STAC: variants seen among roughly 807,000 people sequenced by gnomAD.
The protein encoded by STAC is SH3 and cysteine-rich domain-containing protein.
Under a neutral mutation model 48.8 loss-of-function variants are expected in STAC, and 43 were observed. That is an observed-to-expected ratio of 0.88 (90% confidence interval 0.69 to 1.14). The LOEUF (loss-of-function observed/expected upper bound fraction) is 1.14. Among genes scored for constraint, STAC ranks in the 50% most tolerant of loss-of-function variants. The pLI is 0.00. For missense variants in STAC, 497 were observed against 504.0 expected, an observed-to-expected ratio of 0.99 and a Z score of 0.13; for synonymous variants, 193 against 179.5, an observed-to-expected ratio of 1.07 and a Z score of -0.60.
At chr3:36,410,189 G>A (rs746541268) in intron 1 of STAC, among the ~76,000 whole-genome samples, 3 of 152,074 alleles carry the variant, frequency 2.0e-5, no homozygotes, top group Admixed American at 6.6e-5. Context: ...AAAATGTAAC[G>A]CATTTTCTGT....
chr3:36,479,447 T>G (rs938363511), intron 2 of STAC, among the ~76,000 whole-genome samples: 1 of 152,224 alleles, frequency 6.6e-6, no homozygotes, highest in African/African-American at 2.4e-5. Flanking sequence ...ATAACTTTGT[T>G]CTTCAGAGTA....
intron 8 of STAC, 134 bp from the exon 9 acceptor site, chr3:36,528,562 G>A: frequency 1.4e-6 from 1 of 726,494 alleles, no homozygotes; most frequent in Non-Finnish European, 2.1e-6. Context: ...GGAAGAACTG[G>A]TAAAAGTTAT....
At chr3:36,426,968 G>A (rs1228015173) in intron 1 of STAC, among the ~76,000 whole-genome samples, 2 of 152,146 alleles carry the variant, frequency 1.3e-5, no homozygotes, top group African/African-American at 4.8e-5. Flanking sequence ...AAGTGTGACA[G>A]CTAATTCATT....
At chr3:36,541,181 G>GA (rs141454002) in intron 10 of STAC, among the ~76,000 whole-genome samples, 4,514 of 148,796 alleles carry the variant, frequency 0.03, 243 homozygotes, top group African/African-American at 0.1. Flanking sequence ...TAGGGGGGAA[G>GA]AAAAAAAAAA....
intron 1 of STAC, among the ~76,000 whole-genome samples, chr3:36,414,455 A>C (rs960361385): frequency 2.6e-5 from 4 of 152,054 alleles, no homozygotes; most frequent in Non-Finnish European, 5.9e-5. Context: ...CCTTTCTTCC[A>C]GTTGATCGAA....
chr3:36,485,966 G>A, intron 4 of STAC, 168 bp from the exon 5 acceptor site: 1 of 594,672 alleles, frequency 1.7e-6, no homozygotes, highest in South Asian at 2.1e-5. Context: ...GCTGGGTGGG[G>A]GTGCATCTGT....
chr3:36,400,717 C>CGTGCTA (rs1699983415), intron 1 of STAC, among the ~76,000 whole-genome samples: 2 of 152,098 alleles, frequency 1.3e-5, no homozygotes, highest in African/African-American at 4.8e-5. Context: ...TGCTGATGCT[C>CGTGCTA]GTGCTAGTAA....
Position 36,528,948 on chromosome 3 carries a change from G to A in STAC, c.1073G>A (p.Cys358Tyr), listed in dbSNP as rs145748087. 855 of 1,613,202 alleles carry A rather than the reference G, an allele frequency of 5.3e-4. 10 individuals are homozygous for A. The African/African-American group carries it at 7.7e-3, about 14-fold the overall frequency. The change falls in exon 10 of 11, where the codon TGT becomes TAT. Residue 358 changes from cysteine (C) to tyrosine (Y), a missense_variant. Transcript: ENST00000273183. The part of the protein sequence containing the change: ...IFRCVRTFIG[C>Y]KEQGQITLKE... ...AGATGTGTTAGAACCTTCATTGGGT[G>A]TAAGGAACAGGGGCAGATAACACTG...
intron 1 of STAC, among the ~76,000 whole-genome samples, chr3:36,397,826 C>A (rs1699884462): frequency 6.6e-6 from 1 of 151,478 alleles, no homozygotes; most frequent in African/African-American, 2.4e-5. Context: ...TATGTTATTT[C>A]TTTGTTCGTT....
intron 8 of STAC, among the ~76,000 whole-genome samples, chr3:36,516,650 A>G (rs1170621893): frequency 1.3e-5 from 2 of 152,208 alleles, no homozygotes; most frequent in Non-Finnish European, 2.9e-5. Context: ...CAAGCTGGCA[A>G]GACAGAAAAG....
At chr3:36,391,115 C>G (rs1240783204) in intron 1 of STAC, among the ~76,000 whole-genome samples, 1 of 152,150 alleles carries the variant, frequency 6.6e-6, no homozygotes, top group Non-Finnish European at 1.5e-5. Context: ...CTGTGTAACA[C>G]TGATTCCTTA....
chr3:36,443,453 A>C lies in STAC; in HGVS notation c.201A>C (p.Glu67Asp). The change falls in exon 2 of 11, where the codon GAA (glutamate) becomes GAC (aspartate). Residue 67 changes from glutamate (E) to aspartate (D), a missense_variant. Transcript: ENST00000273183. This position sits in a 1 kb window ranked among gnomAD's most constrained non-coding sequence, Gnocchi z 4.2. Reference protein sequence around the residue: ...ADNFFQRTNSEDMKLQAHMVA... With the variant: ...ADNFFQRTNSDDMKLQAHMVA... ...ACTTCTTCCAGCGAACCAACAGCGAAGACATGAAACTGCAAGCACACATGG... is the reference window on the plus strand; with the variant it reads ...ACTTCTTCCAGCGAACCAACAGCGACGACATGAAACTGCAAGCACACATGG... 6.2e-6 allele frequency: 10 copies of C among 1,614,248 alleles called. No individual in the cohort carries two copies. Among genetic ancestry groups the C allele is most frequent in the Non-Finnish European group, 8.5e-6 (10 of 1,180,042 alleles).
At chr3:36,480,025 C>T (rs767327584) in intron 2 of STAC, among the ~76,000 whole-genome samples, 2 of 152,138 alleles carry the variant, frequency 1.3e-5, no homozygotes, top group Non-Finnish European at 2.9e-5. Context: ...CAGTGTACTA[C>T]ATGTATAAGA....
In STAC at chr3:36,546,223, T is replaced by C; in HGVS notation, c.1143T>C (p.Gly381=). 6.2e-7 allele frequency: 1 copy of C among 1,614,014 alleles called. No individual in the cohort carries two copies. The highest frequency in any genetic ancestry group is 8.5e-7 in the Non-Finnish European group (1 of 1,179,932). Reference sequence around the variant, plus strand: ...TGAGTTCTGAAGAAGAACAAGATGGTTTTATCAGAGTCCTCAGTGGAAAAA... The same window carrying C: ...TGAGTTCTGAAGAAGAACAAGATGGCTTTATCAGAGTCCTCAGTGGAAAAA... ...ICVSSEEEQD[G]FIRVLSGKKK... The change falls in exon 11 of 11, where the codon GGT becomes GGC. Residue 381 remains glycine (G), a synonymous_variant. Coordinates refer to ENST00000273183, the MANE Select transcript of STAC (RefSeq NM_003149.3).
In STAC at chr3:36,504,488, G is replaced by A. The variant is rs1277318535; in HGVS notation, c.831+31G>A. 4.4e-6 allele frequency: 7 copies of A among 1,607,356 alleles called. No individual in the cohort carries two copies. The African/African-American group carries it at 8.0e-5, about 18-fold the overall frequency. Reference sequence around the variant, plus strand: ...TATGGATGTCACAGAAGACAAGTCAGACAGGAGTCCTTAGATAGACCTGCA... The same window carrying A: ...TATGGATGTCACAGAAGACAAGTCAAACAGGAGTCCTTAGATAGACCTGCA... On this transcript the variant is annotated intron_variant, in intron 7 of 10. Coordinates refer to ENST00000273183, the MANE Select transcript of STAC (RefSeq NM_003149.3).
At chr3:36,465,267 G>A (rs891433932) in intron 2 of STAC, among the ~76,000 whole-genome samples, 2 of 152,108 alleles carry the variant, frequency 1.3e-5, no homozygotes, top group African/African-American at 4.8e-5. Flanking sequence ...CTTCTCTAGA[G>A]AGCTGTCTAT....
At chr3:36,531,228 T>C (rs193186399) in intron 10 of STAC, among the ~76,000 whole-genome samples, 2 of 152,050 alleles carry the variant, frequency 1.3e-5, no homozygotes, top group Admixed American at 6.6e-5. Flanking sequence ...CCATTTTCTG[T>C]AATGTATCCA....
At chr3:36,417,450 A>AAC (rs1056429093) in intron 1 of STAC, among the ~76,000 whole-genome samples, 4 of 151,880 alleles carry the variant, frequency 2.6e-5, no homozygotes, top group Non-Finnish European at 4.4e-5. Context: ...CACTCACACA[A>AAC]ACACACACAC....
intron 1 of STAC, among the ~76,000 whole-genome samples, chr3:36,408,786 T>G (rs1255969948): frequency 6.6e-6 from 1 of 152,232 alleles, no homozygotes; most frequent in Non-Finnish European, 1.5e-5. Context: ...GTCATTCTGC[T>G]GCTGAACTAA....
Sources: allele counts gnomAD v4.1 joint callset (sites outside exome capture counted in the v4.1 genomes callset), GRCh38; gene constraint gnomAD v4.1.1; non-coding constraint Gnocchi (gnomAD v3.1); transcripts MANE v1.5; gene names NCBI Gene and HGNC (gene_info 2026-07-23, HGNC 2026-07-21).